IMPG2: variants seen among roughly 807,000 people sequenced by gnomAD.
IMPG2 encodes the protein interphotoreceptor matrix proteoglycan 2.
In IMPG2, 91 loss-of-function variants were observed where a neutral mutation model predicts 129.2. The ratio of observed to expected loss-of-function variants is 0.70; its 90% CI spans 0.59 to 0.84. The LOEUF (loss-of-function observed/expected upper bound fraction) is 0.84, where lower values mean the gene tolerates loss of function less well. IMPG2 is among the 40% of genes least tolerant of loss of function. The pLI, the probability that IMPG2 is intolerant of heterozygous loss-of-function variation, is 0.00. For missense variants in IMPG2, 1,430 were observed against 1,461.7 expected, an observed-to-expected ratio of 0.98 and a Z score of 0.35; for synonymous variants, 510 against 517.7, an observed-to-expected ratio of 0.99 and a Z score of 0.20.
chr3:101,276,828 C>A, intron 4 of IMPG2, 115 bp from the exon 5 acceptor site: 1 of 728,380 alleles, frequency 1.4e-6, no homozygotes, highest in South Asian at 1.7e-5. Context: ...TAAGGGCTCC[C>A]AAGCAAAAGT....
intron 2 of IMPG2, among the ~76,000 whole-genome samples, chr3:101,310,689 A>C (rs770007123): frequency 3.3e-5 from 5 of 152,120 alleles, no homozygotes; most frequent in Non-Finnish European, 5.9e-5. Context: ...TCATTCTTTC[A>C]CTTTTCTGTT....
intron 11 of IMPG2, among the ~76,000 whole-genome samples, chr3:101,248,986 G>C (rs535605670): frequency 6.6e-6 from 1 of 152,260 alleles, no homozygotes; most frequent in East Asian, 1.9e-4. Context: ...CAAACGACAA[G>C]AGGAAGGAGA....
At chr3:101,233,419 G>T (rs1339768550) in intron 14 of IMPG2, among the ~76,000 whole-genome samples, 1 of 152,148 alleles carries the variant, frequency 6.6e-6, no homozygotes, top group African/African-American at 2.4e-5. Context: ...TACATGCCTT[G>T]CACAACACTG....
At chr3:101,269,714 C>A in intron 7 of IMPG2, 141 bp from the exon 8 acceptor site, 1 of 541,082 alleles carries the variant, frequency 1.8e-6, no homozygotes, top group South Asian at 3.1e-5. Context: ...ATACCCAGGT[C>A]AGAAAATGAA....
At position 101,243,513 on chromosome 3, in the gene IMPG2, C is replaced by G; in HGVS notation, c.2802+16G>C. On this transcript the variant is annotated intron_variant, in intron 13 of 18. Coordinates refer to ENST00000193391, the MANE Select transcript of IMPG2 (RefSeq NM_016247.4). ...TGATTATTCACTAGTGCCCATGTTT[C>G]ACTTTTTATGCTTACCAATTCTAAG... 6.2e-7 allele frequency: 1 copy of G among 1,612,068 alleles called. No individual in the cohort carries two copies. The highest frequency in any genetic ancestry group is 8.5e-7 in the Non-Finnish European group (1 of 1,178,626).
chr3:101,282,388 C>T (rs1158502161), intron 4 of IMPG2, among the ~76,000 whole-genome samples: 1 of 152,106 alleles, frequency 6.6e-6, no homozygotes, highest in Non-Finnish European at 1.5e-5. Context: ...ACCTCATCTG[C>T]CCTAGTTTCA....
chr3:101,276,614 A>G (rs780352832), intron 5 of IMPG2, 50 bp downstream of exon 5: 2 of 1,279,028 alleles, frequency 1.6e-6, no homozygotes. Context: ...AGCCTGTCTT[A>G]AACCATAAAT....
chr3:101,259,562 C>T (rs1213957838), intron 9 of IMPG2, among the ~76,000 whole-genome samples: 1 of 150,388 alleles, frequency 6.6e-6, no homozygotes, highest in African/African-American at 2.5e-5. Context: ...TACCCAGTGC[C>T]TACTAGATGA....
intron 10 of IMPG2, among the ~76,000 whole-genome samples, chr3:101,256,195 A>AAGAAAGAAAGAAAGAAAGAAAG (rs1559646417): frequency 7.3e-5 from 11 of 151,194 alleles, no homozygotes; most frequent in African/African-American, 2.2e-4. Context: ...GAAAGAAAGA[A>AAGAAAGAAAGAAAGAAAGAAAG]AGAAAGAAAG....
intron 4 of IMPG2, among the ~76,000 whole-genome samples, chr3:101,288,533 A>C (rs549561888): frequency 6.6e-6 from 1 of 152,314 alleles, no homozygotes; most frequent in African/African-American, 2.4e-5. Flanking sequence ...AAAAAGAATG[A>C]ACTCATGTCC....
At chr3:101,258,272 T>C (rs1221377249) in intron 9 of IMPG2, among the ~76,000 whole-genome samples, 3 of 152,088 alleles carry the variant, frequency 2.0e-5, no homozygotes, top group Non-Finnish European at 2.9e-5. Flanking sequence ...TAAAGCAAAT[T>C]GATGATTATT....
At position 101,283,507 on chromosome 3, in the gene IMPG2, T is replaced by C; in HGVS notation, c.534-6794A>G. Reference sequence around the variant, plus strand: ...GAAGGTGTTTTGTTTTCATAGAAAGTTTTTGAATAAACCCCATAAATTTGT... The same window carrying C: ...GAAGGTGTTTTGTTTTCATAGAAAGCTTTTGAATAAACCCCATAAATTTGT... On this transcript the variant is annotated intron_variant, in intron 4 of 18. Transcript: ENST00000193391. Among the ~76,000 whole-genome samples the C allele has an allele frequency of 1.3e-5, 2 of 152,144 alleles. 1 individual carries two copies.
At chr3:101,231,607 T>C (rs373902529) in intron 15 of IMPG2, among the ~76,000 whole-genome samples, 1 of 152,220 alleles carries the variant, frequency 6.6e-6, no homozygotes, top group Admixed American at 6.5e-5. Flanking sequence ...CTAGGTAATA[T>C]TAATTTCTCT....
At chr3:101,256,173 G>GAAAGAAAGA in intron 10 of IMPG2, among the ~76,000 whole-genome samples, 1 of 134,710 alleles carries the variant, frequency 7.4e-6, no homozygotes, top group Non-Finnish European at 1.6e-5. Flanking sequence ...AAGAAAGAAA[G>GAAAGAAAGA]AAAGAAAGAA....
intron 4 of IMPG2, among the ~76,000 whole-genome samples, chr3:101,278,437 A>G (rs1426667920): frequency 2.0e-5 from 3 of 152,212 alleles, no homozygotes; most frequent in African/African-American, 7.2e-5. Context: ...CTGGAGATAA[A>G]CATGGCACAC....
chr3:101,251,237 T>C (rs922834919), intron 11 of IMPG2, among the ~76,000 whole-genome samples: 11 of 152,204 alleles, frequency 7.2e-5, no homozygotes, highest in African/African-American at 2.4e-4. Flanking sequence ...TTTCAGTATA[T>C]CTGTAAACAA....
intron 4 of IMPG2, among the ~76,000 whole-genome samples, chr3:101,283,884 A>G (rs914884264): frequency 4.8e-5 from 5 of 104,544 alleles, no homozygotes; most frequent in Non-Finnish European, 9.6e-5. Flanking sequence ...TATATAGACT[A>G]ATAAGAAAAA....
intron 2 of IMPG2, among the ~76,000 whole-genome samples, chr3:101,313,260 C>T (rs2058765269): frequency 6.6e-6 from 1 of 152,048 alleles, no homozygotes; most frequent in Admixed American, 6.6e-5. Context: ...GAAGCATTTG[C>T]ACAGCTCAGA....
chr3:101,236,841 G>A (rs1198087957), intron 14 of IMPG2, among the ~76,000 whole-genome samples: 1 of 152,104 alleles, frequency 6.6e-6, no homozygotes, highest in Non-Finnish European at 1.5e-5. Context: ...ATACCCTGGT[G>A]GCACCTGGAA....
Sources: gnomAD v4.1 joint callset for allele counts (sites outside exome capture counted in the v4.1 genomes callset) on GRCh38, gnomAD v4.1.1 for gene constraint, MANE v1.5 for transcripts, NCBI Gene and HGNC (gene_info 2026-07-23, HGNC 2026-07-21) for gene names.